The following NIPAL3 variants were observed in gnomAD, a reference collection of about 807,000 sequenced individuals.
NIPAL3 encodes NIPA-like protein 3.
A neutral mutation model predicts 47.2 loss-of-function variants in NIPAL3; 41 were observed. The observed-to-expected ratio is 0.87, with a 90% CI of 0.68 to 1.13. The LOEUF (loss-of-function observed/expected upper bound fraction) is 1.13. NIPAL3 is among the 50% of genes most tolerant of loss of function. NIPAL3 has a pLI of 0.00. For missense variants in NIPAL3, 449 were observed against 530.1 expected (o/e 0.85, Z 1.50); for synonymous variants, 194 against 209.6 (o/e 0.93, Z 0.64).
chr1:24,417,734 T>C (rs1043261117), intron 1 of NIPAL3, among the ~76,000 whole-genome samples: 2 of 152,210 alleles, frequency 1.3e-5, no homozygotes, highest in Non-Finnish European at 2.9e-5. Flanking sequence ...ATTTGTTGTA[T>C]CCCAGGACTG....
intron 2 of NIPAL3, among the ~76,000 whole-genome samples, chr1:24,422,474 A>C (rs1466643785): frequency 6.6e-6 from 1 of 152,106 alleles, no homozygotes; most frequent in African/African-American, 2.4e-5. Flanking sequence ...GGGAGCTCTA[A>C]AACATGCAGA....
chr1:24,442,818 C>T (rs1337210336), intron 4 of NIPAL3, among the ~76,000 whole-genome samples: 1 of 152,028 alleles, frequency 6.6e-6, no homozygotes, highest in African/African-American at 2.4e-5. Context: ...AAAAGAAAAA[C>T]AATTAGCTGG....
At chr1:24,448,932 AT>A (rs951555066) in intron 5 of NIPAL3, among the ~76,000 whole-genome samples, 2 of 152,248 alleles carry the variant, frequency 1.3e-5, no homozygotes, top group African/African-American at 4.8e-5. Context: ...GAATGGATAA[AT>A]TGTGTTGTAT....
intron 5 of NIPAL3, among the ~76,000 whole-genome samples, chr1:24,446,204 G>C (rs116020319): frequency 0.015 from 2,277 of 152,144 alleles, 22 homozygotes; most frequent in Non-Finnish European, 0.024. Context: ...TCGGGGACTG[G>C]GGAGATGGGA....
chr1:24,463,906 G>A (rs1250111877), intron 10 of NIPAL3, 120 bp from the exon 11 acceptor site: 4 of 724,608 alleles, frequency 5.5e-6, no homozygotes, highest in Non-Finnish European at 8.8e-6. Flanking sequence ...CTTGGGCGGT[G>A]AGCCCTCCTC....
Position 24,469,232 on chromosome 1 carries a change from G to T in NIPAL3, c.*47G>T. 6.6e-7 allele frequency: 1 copy of T among 1,510,574 alleles called. No individual in the cohort carries two copies. The highest frequency in any genetic ancestry group is 9.1e-7 in the Non-Finnish European group (1 of 1,104,778). The allele number at this position is 1,510,574 out of a possible 1,614,324, so 93.6% of individuals were successfully genotyped here. On this transcript the variant is annotated 3_prime_UTR_variant, in exon 12 of 12. Coordinates refer to ENST00000374399, the MANE Select transcript of NIPAL3 (RefSeq NM_020448.5). Reference sequence around the variant, plus strand: ...AACTGTCCCCTCCAGGCTGACAGTGGTTCAACCCTGAATCCTAAAACTTGC... The same window carrying T: ...AACTGTCCCCTCCAGGCTGACAGTGTTTCAACCCTGAATCCTAAAACTTGC...
At chr1:24,444,414 C>T (rs1027134437) in intron 4 of NIPAL3, among the ~76,000 whole-genome samples, 1 of 152,102 alleles carries the variant, frequency 6.6e-6, no homozygotes, top group Non-Finnish European at 1.5e-5. Context: ...GTAGCGCTTG[C>T]CAGTTTATAT....
chr1:24,449,420 C>A lies in NIPAL3; in HGVS notation c.395-61C>A. ...AAGCCTGTTTTTTCATGGCTGAGAA[C>A]GTGTACTGTATCTTGGGCCTGTTGT... is the stretch of plus-strand genomic sequence containing the variant. On this transcript the variant is annotated intron_variant, in intron 5 of 11. Coordinates refer to ENST00000374399, the MANE Select transcript of NIPAL3 (RefSeq NM_020448.5). The surrounding 1 kb of genome is among the most constrained non-coding windows in gnomAD (Gnocchi z 4.5). 2 of 1,577,620 alleles carry A rather than the reference C, an allele frequency of 1.3e-6. No homozygotes were observed. Among genetic ancestry groups the A allele is most frequent in the Admixed American group, 1.7e-5 (1 of 59,168 alleles).
chr1:24,427,111 A>T (rs1644625808), intron 2 of NIPAL3, among the ~76,000 whole-genome samples: 1 of 152,218 alleles, frequency 6.6e-6, no homozygotes, highest in Non-Finnish European at 1.5e-5. Context: ...GAAGGCTGCC[A>T]GCGGGGTCCA....
intron 10 of NIPAL3, 57 bp downstream of exon 10, chr1:24,460,601 T>C: frequency 6.9e-7 from 1 of 1,448,868 alleles, no homozygotes; most frequent in East Asian, 2.7e-5. Flanking sequence ...TCCAAGCAGG[T>C]TGCCCCTCTC....
upstream of NIPAL3, chr1:24,415,287 G>A (rs1643963779): frequency 6.6e-6 from 1 of 152,296 alleles, no homozygotes; most frequent in Non-Finnish European, 1.5e-5. Flanking sequence ...GGTGTTCCAG[G>A]AGGGCAGGAA....
chr1:24,459,687 C>A (rs1003674656), intron 9 of NIPAL3, among the ~76,000 whole-genome samples: 1 of 152,220 alleles, frequency 6.6e-6, no homozygotes, highest in Non-Finnish European at 1.5e-5. Context: ...ACACACGAGG[C>A]GCACAGCTTC....
At chr1:24,430,828 A>G (rs1486991750) in intron 2 of NIPAL3, among the ~76,000 whole-genome samples, 1 of 152,236 alleles carries the variant, frequency 6.6e-6, no homozygotes, top group Non-Finnish European at 1.5e-5. Flanking sequence ...GGAAATTGAA[A>G]TATTATTTTT....
At position 24,470,457 on chromosome 1, in the gene NIPAL3, G is replaced by A. The variant is rs979214122; in HGVS notation, c.*1272G>A. ...CTGGTACCACCAGTGATTCTGATGC[G>A]ATGCTTCAATCCCGAGATTTCACAT... On this transcript the variant is annotated 3_prime_UTR_variant, in exon 12 of 12. Transcript: ENST00000374399. 5 of 152,168 alleles carry A rather than the reference G, an allele frequency of 3.3e-5. No homozygotes were observed. Among genetic ancestry groups the A allele is most frequent in the African/African-American group, 4.8e-5 (2 of 41,442 alleles). The allele number at this position is 152,168 out of a possible 1,614,324, so 9.4% of individuals were successfully genotyped here. A position where few individuals can be genotyped will look rare whatever the true frequency, so the allele number is the denominator to read the frequency against.
In NIPAL3 at chr1:24,451,265, T is replaced by A. The variant is rs1645922726; in HGVS notation, c.540+1639T>A. Reference sequence around the variant, plus strand: ...ATTCAGTCAATATTTATTGAGCGTCTGCTGTGTGCTAGACACTATGGTTAT... The same window carrying A: ...ATTCAGTCAATATTTATTGAGCGTCAGCTGTGTGCTAGACACTATGGTTAT... On this transcript the variant is annotated intron_variant, in intron 6 of 11. Coordinates refer to ENST00000374399, the MANE Select transcript of NIPAL3 (RefSeq NM_020448.5). The surrounding 1 kb of genome is among the most constrained non-coding windows in gnomAD (Gnocchi z 4.5). Among the ~76,000 whole-genome samples, 1 of 152,208 alleles carries A rather than the reference T, an allele frequency of 6.6e-6. No individual in the cohort carries two copies. The highest frequency in any genetic ancestry group is 2.4e-5 in the African/African-American group (1 of 41,448).
chr1:24,459,416 C>A (rs985150856), intron 9 of NIPAL3, among the ~76,000 whole-genome samples: 1 of 152,224 alleles, frequency 6.6e-6, no homozygotes, highest in African/African-American at 2.4e-5. Flanking sequence ...AATAAGTGAT[C>A]ATTAGCATTA....
chr1:24,437,082 C>G (rs750139169), intron 2 of NIPAL3, among the ~76,000 whole-genome samples: 3 of 151,918 alleles, frequency 2.0e-5, no homozygotes, highest in African/African-American at 7.3e-5. Flanking sequence ...AAACCCACCT[C>G]TCTACTAAAA....
At position 24,454,569 on chromosome 1, in the gene NIPAL3, T is replaced by C. The variant is rs1413274530; in HGVS notation, c.637+1065T>C. The stretch of plus-strand genomic sequence containing the variant: ...ATTTTTTAACAGCTCTGTTGAGATA[T>C]AATTTACATACCATAAAGTTCACCT... On this transcript the variant is annotated intron_variant, in intron 7 of 11. Coordinates refer to ENST00000374399, the MANE Select transcript of NIPAL3 (RefSeq NM_020448.5). This position sits in a 1 kb window ranked among gnomAD's most constrained non-coding sequence, Gnocchi z 4.1. 6.1e-6 allele frequency: 6 copies of C among 980,242 alleles called. No homozygotes were observed. The East Asian group carries it at 4.5e-4, about 74-fold the overall frequency. The allele number at this position is 980,242 out of a possible 1,614,324, so 60.7% of individuals were successfully genotyped here.
At chr1:24,426,242 G>A (rs1644583151) in intron 2 of NIPAL3, among the ~76,000 whole-genome samples, 1 of 151,802 alleles carries the variant, frequency 6.6e-6, no homozygotes, top group African/African-American at 2.4e-5. Context: ...CCCGGTTTGT[G>A]CCTTATGCCT....
Sources: allele counts gnomAD v4.1 joint callset (sites outside exome capture counted in the v4.1 genomes callset), GRCh38; gene constraint gnomAD v4.1.1; non-coding constraint Gnocchi (gnomAD v3.1); transcripts MANE v1.5; gene names NCBI Gene and HGNC (gene_info 2026-07-23, HGNC 2026-07-21).